RBFOX1: variants seen among roughly 807,000 people sequenced by gnomAD.
The protein encoded by RBFOX1 is RNA binding protein fox-1 homolog 1.
Under a neutral mutation model 57.7 loss-of-function variants are expected in RBFOX1, and 8 were observed. That is an observed-to-expected ratio of 0.14 (90% confidence interval 0.08 to 0.25). The LOEUF is 0.25. Ranked by LOEUF, RBFOX1 falls within the 10% of genes least tolerant of loss-of-function variation. The pLI is 1.00. For missense variants in RBFOX1, 611 were observed against 548.5 expected, an observed-to-expected ratio of 1.11 and a Z score of -1.14; for synonymous variants, 326 against 222.4, an observed-to-expected ratio of 1.47 and a Z score of -4.15.
At chr16:7,206,861 A>T (rs1331245741) in intron 4 of RBFOX1, among the ~76,000 whole-genome samples, 1 of 152,168 alleles carries the variant, frequency 6.6e-6, no homozygotes, top group South Asian at 2.1e-4. Flanking sequence ...CAGAAAAAAA[A>T]AATGGAGAGG....
chr16:5,722,700 G>A (rs1258544679), intron 3 of RBFOX1, among the ~76,000 whole-genome samples: 1 of 152,138 alleles, frequency 6.6e-6, no homozygotes, highest in Non-Finnish European at 1.5e-5. Flanking sequence ...AACATACCCA[G>A]CTCTTTCCCA....
At chr16:5,663,246 T>G (rs543464402) in intron 3 of RBFOX1, among the ~76,000 whole-genome samples, 9 of 152,196 alleles carry the variant, frequency 5.9e-5, no homozygotes, top group Non-Finnish European at 1.3e-4. Flanking sequence ...AATCTTGTTC[T>G]GTCACCCGGG....
chr16:5,357,458 A>C (rs2065422280), intron 1 of RBFOX1, among the ~76,000 whole-genome samples: 1 of 152,228 alleles, frequency 6.6e-6, no homozygotes, highest in Non-Finnish European at 1.5e-5. Flanking sequence ...GGGAGAGAGG[A>C]GACTGAGTCC....
intron 1 of RBFOX1, among the ~76,000 whole-genome samples, chr16:5,407,703 C>T (rs116347784): frequency 1.3e-5 from 2 of 152,168 alleles, no homozygotes. Flanking sequence ...GACCCACCAC[C>T]ACGCTGGGCT....
Position 5,831,655 on chromosome 16 carries a change from A to C in RBFOX1, c.319-35648A>C, listed in dbSNP as rs1318534067. 2.0e-5 allele frequency among the ~76,000 whole-genome samples: 3 copies of C among 152,002 alleles called. No individual in the cohort carries two copies. In the East Asian group the frequency reaches 5.8e-4, roughly 30 times the overall value. On this transcript the variant is annotated intron_variant, in intron 3 of 19. Coordinates refer to the RBFOX1 transcript ENST00000641259. ...CAGGTGCCCACCACCACGCCTGGCT[A>C]ATTTTTGTATTTTGGTAGAGACGGG...
intron 3 of RBFOX1, among the ~76,000 whole-genome samples, chr16:6,919,656 A>G (rs977121380): frequency 1.3e-5 from 2 of 152,166 alleles, no homozygotes; most frequent in Non-Finnish European, 1.5e-5. Flanking sequence ...TGGAGAGATA[A>G]AAATCCAGAT....
intron 4 of RBFOX1, among the ~76,000 whole-genome samples, chr16:7,292,140 G>A (rs1379811903): frequency 3.1e-4 from 32 of 104,648 alleles, no homozygotes; most frequent in South Asian, 6.2e-4. Context: ...AATGTATTAC[G>A]TATGATATAT....
intron 3 of RBFOX1, among the ~76,000 whole-genome samples, chr16:5,640,657 C>T (rs1021480095): frequency 1.3e-5 from 2 of 151,078 alleles, no homozygotes; most frequent in African/African-American, 4.9e-5. Context: ...GCACAGCATG[C>T]ATACACATAC....
At chr16:6,198,908 A>T (rs1440988474) in intron 1 of RBFOX1, among the ~76,000 whole-genome samples, 1 of 151,948 alleles carries the variant, frequency 6.6e-6, no homozygotes, top group African/African-American at 2.4e-5. Context: ...TTTTTTCCCT[A>T]TCATCCGCTT....
At chr16:7,012,513 C>G (rs1159906488) in intron 3 of RBFOX1, among the ~76,000 whole-genome samples, 1 of 152,150 alleles carries the variant, frequency 6.6e-6, no homozygotes, top group African/African-American at 2.4e-5. Flanking sequence ...CTGGAACAGA[C>G]AGTGAGAAAA....
At chr16:6,517,226 C>T (rs892926870) in intron 2 of RBFOX1, among the ~76,000 whole-genome samples, 1 of 152,052 alleles carries the variant, frequency 6.6e-6, no homozygotes, top group Non-Finnish European at 1.5e-5. Context: ...TATGGCCTTC[C>T]CCTGCTGAAC....
chr16:6,778,944 G>A (rs1459919885), intron 3 of RBFOX1, among the ~76,000 whole-genome samples: 1 of 151,858 alleles, frequency 6.6e-6, no homozygotes, highest in Non-Finnish European at 1.5e-5. Context: ...AGCATACAAT[G>A]TGTAATGATC....
rs1273661580 is a variant in RBFOX1, at chr16:6,562,856, CTTTCTTTCTTTCTTTCTTTCTTTCTTTTT to C, written c.-63-91743_-63-91715del. Among the ~76,000 whole-genome samples the C allele has an allele frequency of 1.4e-4, 7 of 50,316 alleles. 1 individual carries two copies. The highest frequency in any genetic ancestry group is 7.5e-4 in the African/African-American group (7 of 9,380). The allele number at this position is 50,316 out of a possible 152,430, so 33.0% of individuals were successfully genotyped here. A position where few individuals can be genotyped will look rare whatever the true frequency, so the allele number is the denominator to read the frequency against. On this transcript the variant is annotated intron_variant, in intron 2 of 15. Coordinates refer to ENST00000550418, the MANE Select transcript of RBFOX1 (RefSeq NM_018723.4). The stretch of plus-strand genomic sequence containing the variant: ...CTTTTCTTTCTTTCTTTCTTTCTTT[CTTTCTTTCTTTCTTTCTTTCTTTCTTTTT>C]TTTTTTTTTTTTTGCATAGTTGTTA...
intron 2 of RBFOX1, among the ~76,000 whole-genome samples, chr16:5,582,885 C>T (rs1018654558): frequency 1.3e-5 from 2 of 152,154 alleles, no homozygotes; most frequent in South Asian, 2.1e-4. Context: ...TATCCTTAGG[C>T]TTACCCTCTG....
At position 5,756,401 on chromosome 16, in the gene RBFOX1, C is replaced by T. The variant is rs80200227; in HGVS notation, c.319-110902C>T. Among the ~76,000 whole-genome samples the T allele has an allele frequency of 8.0e-3, 1,219 of 152,098 alleles. 6 individuals are homozygous for T. The highest frequency in any genetic ancestry group is 0.02 in the Middle Eastern group (6 of 294). ...ACATGGCAGTGAGAAAAGATGGATA[C>T]CGTTTTTCTTCTTGCTTAGACCTGG... On this transcript the variant is annotated intron_variant, in intron 3 of 19. Transcript: ENST00000641259.
At chr16:6,586,060 G>T (rs1303487528) in intron 2 of RBFOX1, among the ~76,000 whole-genome samples, 1 of 152,172 alleles carries the variant, frequency 6.6e-6, no homozygotes, top group East Asian at 1.9e-4. Flanking sequence ...ATTTAATAGT[G>T]AAGTTATGCT....
intron 1 of RBFOX1, among the ~76,000 whole-genome samples, chr16:5,466,088 T>C (rs2068944049): frequency 6.6e-6 from 1 of 151,838 alleles, no homozygotes; most frequent in African/African-American, 2.4e-5. Flanking sequence ...AAAAAGGGAG[T>C]TATGGTATCT....
At chr16:6,026,010 T>G (rs906581344) in intron 1 of RBFOX1, among the ~76,000 whole-genome samples, 1 of 152,184 alleles carries the variant, frequency 6.6e-6, no homozygotes, top group Non-Finnish European at 1.5e-5. Flanking sequence ...TTCAGGCATG[T>G]GATCGCCTCC....
chr16:6,877,186 G>A lies in RBFOX1; in HGVS notation c.-15-174871G>A, dbSNP rs938605912. Among the ~76,000 whole-genome samples the A allele has an allele frequency of 9.2e-5, 14 of 152,230 alleles. 1 individual carries two copies. Among genetic ancestry groups the A allele is most frequent in the Admixed American group, 2.0e-4 (3 of 15,298 alleles). On this transcript the variant is annotated intron_variant, in intron 3 of 15. Coordinates refer to ENST00000550418, the MANE Select transcript of RBFOX1 (RefSeq NM_018723.4). The stretch of plus-strand genomic sequence containing the variant: ...AAAAAGATATCTTATTTCTGCAGCC[G>A]TTACATTTAAAAAGTGCATTTAACA...
Sources: gnomAD v4.1 joint callset for allele counts (sites outside exome capture counted in the v4.1 genomes callset) on GRCh38, gnomAD v4.1.1 for gene constraint, MANE v1.5 for transcripts, NCBI Gene and HGNC (gene_info 2026-07-23, HGNC 2026-07-21) for gene names.